The following DIAPH2 variants were observed in gnomAD, a reference collection of about 807,000 sequenced individuals.
DIAPH2 encodes diaphanous related formin 2, also known as protein diaphanous homolog 2.
A neutral mutation model predicts 92.7 loss-of-function variants in DIAPH2; 35 were observed. That is an observed-to-expected ratio of 0.38 (90% CI 0.29 to 0.50). DIAPH2 has a LOEUF of 0.50. DIAPH2 is among the 20% of genes least tolerant of loss of function. DIAPH2 has a pLI of 0.94. For missense variants in DIAPH2, 701 were observed against 819.5 expected (o/e 0.86, Z 1.77); for synonymous variants, 301 against 280.4 (o/e 1.07, Z -0.73).
Position 96,840,647 on chromosome X carries a change from C to T in DIAPH2, c.448-40932C>T, listed in dbSNP as rs758439189. Among the ~76,000 whole-genome samples the T allele has an allele frequency of 5.4e-5, 6 of 110,624 alleles. No individual in the cohort carries two copies. The South Asian group carries it at 1.6e-3, about 29-fold the overall frequency. ...TTTTTGAGACGGAGTCTGGCTCTGT[C>T]GCCCAGGCTGGGGTGCAGTGGCGTG... On this transcript the variant is annotated intron_variant, in intron 4 of 26. Coordinates refer to ENST00000324765, the MANE Select transcript of DIAPH2 (RefSeq NM_006729.5).
intron 24 of DIAPH2, among the ~76,000 whole-genome samples, chrX:97,368,927 C>T (rs758318720): frequency 3.4e-4 from 5 of 14,890 alleles, no homozygotes; most frequent in Non-Finnish European, 4.1e-4. Context: ...TTTTTTGAGA[C>T]GAAGTTTCGC....
rs149300147 is a variant in DIAPH2, at chrX:97,326,295, A to G, written c.2845-21821A>G. On this transcript the variant is annotated intron_variant, in intron 23 of 26. Coordinates refer to ENST00000324765, the MANE Select transcript of DIAPH2 (RefSeq NM_006729.5). ...CAGTGGGTAGCATATGGAATACTCC[A>G]TAAACACTGATTAGATTTAATAATG... 2.7e-3 allele frequency among the ~76,000 whole-genome samples: 308 copies of G among 112,263 alleles called. 1 individual carries two copies. Among genetic ancestry groups the G allele is most frequent in the African/African-American group, 9.4e-3 (290 of 30,945 alleles).
intron 17 of DIAPH2, among the ~76,000 whole-genome samples, chrX:97,000,652 C>CACAT (rs2066137789): frequency 9.3e-6 from 1 of 107,183 alleles, no homozygotes; most frequent in Non-Finnish European, 2.0e-5. Context: ...CACACACACA[C>CACAT]GTATGTCTAC....
chrX:97,226,998 C>T (rs1202154315), intron 22 of DIAPH2, among the ~76,000 whole-genome samples: 6 of 111,056 alleles, frequency 5.4e-5, no homozygotes, highest in South Asian at 3.9e-4. Flanking sequence ...TGGCCAGGTG[C>T]GGTTGCTCAT....
At chrX:97,217,088 C>T (rs1292540422) in intron 22 of DIAPH2, among the ~76,000 whole-genome samples, 1 of 111,667 alleles carries the variant, frequency 9.0e-6, no homozygotes, top group Non-Finnish European at 1.9e-5. Context: ...CTAAGAAGGA[C>T]AGAAATAAAA....
rs770585942 is a variant in DIAPH2 at position 97,233,270 on chromosome X, G to A, written c.2720-14445G>A. Among the ~76,000 whole-genome samples the A allele has an allele frequency of 2.7e-5, 3 of 112,550 alleles. No homozygotes were observed. In the South Asian group the frequency reaches 1.1e-3, roughly 41 times the overall value. On this transcript the variant is annotated intron_variant, in intron 22 of 26. Coordinates refer to ENST00000324765, the MANE Select transcript of DIAPH2 (RefSeq NM_006729.5). ...CTAAATCTTGCCTTATTCTCAGCAG[G>A]CAGTAGAGCATGTTGGTTAAGAACA...
chrX:97,460,983 C>T (rs2070453474), intron 26 of DIAPH2, among the ~76,000 whole-genome samples: 1 of 112,416 alleles, frequency 8.9e-6, no homozygotes, highest in Non-Finnish European at 1.9e-5. Flanking sequence ...AAGAGAGCTA[C>T]ATCAGTTTAT....
chrX:96,892,305 C>A (rs1013516418), intron 5 of DIAPH2, among the ~76,000 whole-genome samples: 1 of 111,977 alleles, frequency 8.9e-6, no homozygotes, highest in Non-Finnish European at 1.9e-5. Flanking sequence ...TCTCATAAAG[C>A]AGCATTATGT....
chrX:97,334,993 C>CAAAAAAAAAAAAAAAAA (rs1314227612), intron 23 of DIAPH2, among the ~76,000 whole-genome samples: 2 of 6,631 alleles, frequency 3.0e-4, no homozygotes, highest in Non-Finnish European at 4.6e-4. Context: ...AAAACAAAAA[C>CAAAAAAAAAAAAAAAAA]AAAACAAAAA....
intron 23 of DIAPH2, among the ~76,000 whole-genome samples, chrX:97,293,222 T>C (rs1168663884): frequency 7.3e-5 from 8 of 108,854 alleles, no homozygotes; most frequent in Non-Finnish European, 1.9e-5. Context: ...ATTTTAGGCC[T>C]GTCTTTGTTG....
At chrX:97,113,767 T>C (rs533310467) in intron 20 of DIAPH2, among the ~76,000 whole-genome samples, 6 of 112,210 alleles carry the variant, frequency 5.3e-5, no homozygotes, top group African/African-American at 1.6e-4. Context: ...GTGTCTAATC[T>C]GTACTTGGCA....
At chrX:97,236,745 C>T (rs974426063) in intron 22 of DIAPH2, among the ~76,000 whole-genome samples, 1 of 109,738 alleles carries the variant, frequency 9.1e-6, no homozygotes, top group Non-Finnish European at 1.9e-5. Flanking sequence ...GGGGTTTCAC[C>T]ATGTTAGCCA....
chrX:97,360,382 G>A (rs752243147), intron 24 of DIAPH2, among the ~76,000 whole-genome samples: 1 of 109,811 alleles, frequency 9.1e-6, no homozygotes, highest in East Asian at 2.9e-4. Context: ...GGGAGGCCAA[G>A]GCGGGTGAAT....
At chrX:97,305,552 G>A (rs1240258826) in intron 23 of DIAPH2, among the ~76,000 whole-genome samples, 1 of 109,780 alleles carries the variant, frequency 9.1e-6, no homozygotes, top group East Asian at 2.9e-4. Flanking sequence ...AGGCGCGGTG[G>A]CTCATGCCTG....
intron 1 of DIAPH2, among the ~76,000 whole-genome samples, chrX:96,722,403 T>C (rs944528798): frequency 9.0e-6 from 1 of 110,876 alleles, no homozygotes; most frequent in Non-Finnish European, 1.9e-5. Flanking sequence ...GTTCCCTCCT[T>C]CTCTCCTCTT....
Position 97,059,221 on chromosome X carries a change from C to G in DIAPH2, c.2051-13720C>G, listed in dbSNP as rs150825190. Among the ~76,000 whole-genome samples the G allele has an allele frequency of 3.6e-3, 407 of 111,891 alleles. 3 individuals are homozygous for G. The highest frequency in any genetic ancestry group is 0.013 in the African/African-American group (388 of 30,856). ...CACAGAATAACAGTGTACACAATAGCTCATGTCATATCCATAAGATGTTAA... is the reference window on the plus strand; with the variant it reads ...CACAGAATAACAGTGTACACAATAGGTCATGTCATATCCATAAGATGTTAA... On this transcript the variant is annotated intron_variant, in intron 17 of 26. Coordinates refer to ENST00000324765, the MANE Select transcript of DIAPH2 (RefSeq NM_006729.5).
chrX:97,140,683 T>C (rs928190046), intron 21 of DIAPH2, among the ~76,000 whole-genome samples: 1 of 111,817 alleles, frequency 8.9e-6, no homozygotes, highest in African/African-American at 3.2e-5. Context: ...ATTTATTAAA[T>C]GCTATGTTTT....
In DIAPH2 at chrX:96,943,023, C is replaced by T. The variant is rs1367791939; in HGVS notation, c.1444+887C>T. 3.6e-5 allele frequency among the ~76,000 whole-genome samples: 4 copies of T among 110,058 alleles called. No individual in the cohort carries two copies. In the Admixed American group the frequency reaches 3.9e-4, roughly 11 times the overall value. Reference sequence around the variant, plus strand: ...GTAATGCATACTTATTTCAGGCAATCCAGAGACTTACATAAGTGACAAACC... The same window carrying T: ...GTAATGCATACTTATTTCAGGCAATTCAGAGACTTACATAAGTGACAAACC... On this transcript the variant is annotated intron_variant, in intron 13 of 26. Coordinates refer to ENST00000324765, the MANE Select transcript of DIAPH2 (RefSeq NM_006729.5).
At chrX:97,491,631 G>A (rs1275174376) in intron 26 of DIAPH2, among the ~76,000 whole-genome samples, 3 of 111,060 alleles carry the variant, frequency 2.7e-5, no homozygotes, top group Non-Finnish European at 3.8e-5. Context: ...GGATGGTCTC[G>A]ATCTCCTGAC....
Sources: gnomAD v4.1 joint callset for allele counts (sites outside exome capture counted in the v4.1 genomes callset) on GRCh38, gnomAD v4.1.1 for gene constraint, MANE v1.5 for transcripts, NCBI Gene and HGNC (gene_info 2026-07-23, HGNC 2026-07-21) for gene names.